The following IGSF5 variants were observed in gnomAD, a reference collection of about 807,000 sequenced individuals.
IGSF5 encodes immunoglobulin superfamily 5 like.
Under a neutral mutation model 39.4 loss-of-function variants are expected in IGSF5, and 41 were observed. The ratio of observed to expected loss-of-function variants is 1.04; its 90% CI spans 0.81 to 1.35. The LOEUF (loss-of-function observed/expected upper bound fraction) is 1.35. Among genes scored for constraint, IGSF5 ranks in the 40% most tolerant of loss-of-function variants. The pLI, the probability that IGSF5 is intolerant of heterozygous loss-of-function variation, is 0.00. For synonymous variants in IGSF5, 183 were observed against 175.3 expected (o/e 1.04, Z -0.34); for missense variants, 487 against 494.6 (o/e 0.98, Z 0.15).
At position 39,799,382 on chromosome 21, in the gene IGSF5, T is replaced by C. The variant is rs143276841; in HGVS notation, c.1129-1880T>C. ...GTACAGCCCTGTGCCAGGAACACAC[T>C]GGGTTCTTGTTAAAATGCACACTCT... On this transcript the variant is annotated intron_variant, in intron 8 of 8. Transcript: ENST00000380588. 6.1e-4 allele frequency among the ~76,000 whole-genome samples: 93 copies of C among 152,306 alleles called. 1 individual carries two copies. Among genetic ancestry groups the C allele is most frequent in the Middle Eastern group, 3.4e-3 (1 of 294 alleles).
intron 2 of IGSF5, among the ~76,000 whole-genome samples, chr21:39,764,631 C>T (rs1276639490): frequency 6.6e-6 from 1 of 152,194 alleles, no homozygotes; most frequent in African/African-American, 2.4e-5. Context: ...TGAACCACTG[C>T]ACCTGGCCTA....
At position 39,779,192 on chromosome 21, in the gene IGSF5, C is replaced by T. The variant is rs2080156437; in HGVS notation, c.821C>T (p.Thr274Ile). The T allele has an allele frequency of 1.9e-6, 3 of 1,614,006 alleles. No individual in the cohort carries two copies. The highest frequency in any genetic ancestry group is 1.3e-5 in the African/African-American group (1 of 74,904). ...AAAGTTGGACTTGGACTAGCAGGCACCATGCTTCTGACGCCGACGTGTACT... is the reference window on the plus strand; with the variant it reads ...AAAGTTGGACTTGGACTAGCAGGCATCATGCTTCTGACGCCGACGTGTACT... ...WGKVGLGLAGTMLLTPTCTLT... is the reference protein window; with the variant it reads ...WGKVGLGLAGIMLLTPTCTLT... The change falls in exon 5 of 9, where the codon ACC becomes ATC. Residue 274 changes from threonine (T) to isoleucine (I), a missense_variant. Transcript: ENST00000380588.
chr21:39,742,608 C>T (rs1192813243), upstream of IGSF5, among the ~76,000 whole-genome samples: 1 of 152,206 alleles, frequency 6.6e-6, no homozygotes, highest in African/African-American at 2.4e-5. Flanking sequence ...ATTCCCTTGA[C>T]ATAAGGGGCA....
At position 39,770,497 on chromosome 21, in the gene IGSF5, G is replaced by A. The variant is rs375041676; in HGVS notation, c.419-419G>A. On this transcript the variant is annotated intron_variant, in intron 3 of 8. Coordinates refer to ENST00000380588, the MANE Select transcript of IGSF5 (RefSeq NM_001080444.2). Reference sequence around the variant, plus strand: ...GCGTCTGACCCTGGGCTGTGTCCTCGTCACAGTGAGAAGAAGGTGAAGCTC... The same window carrying A: ...GCGTCTGACCCTGGGCTGTGTCCTCATCACAGTGAGAAGAAGGTGAAGCTC... Among the ~76,000 whole-genome samples the A allele has an allele frequency of 1.4e-4, 21 of 152,182 alleles. No homozygotes were observed. The South Asian group carries it at 1.5e-3, about 11-fold the overall frequency.
At chr21:39,788,241 A>C (rs1202861563) in intron 6 of IGSF5, 53 bp downstream of exon 6, 2 of 1,315,186 alleles carry the variant, frequency 1.5e-6, no homozygotes, top group Non-Finnish European at 2.2e-6. Flanking sequence ...AAAATTGAAC[A>C]ACAACAATAA....
At chr21:39,715,448 C>T in the IGSF5 span, among the ~76,000 whole-genome samples, 1 of 152,150 alleles carries the variant, frequency 6.6e-6, no homozygotes, top group Non-Finnish European at 1.5e-5. Flanking sequence ...CTATAAAGGC[C>T]TCTTTCTAAA....
intron 8 of IGSF5, among the ~76,000 whole-genome samples, chr21:39,795,550 A>G (rs919020763): frequency 6.6e-6 from 1 of 151,404 alleles, no homozygotes; most frequent in African/African-American, 2.4e-5. Context: ...TACATCTAGT[A>G]TGAATGAGGA....
At chr21:39,762,197 G>A (rs370145123) in intron 2 of IGSF5, among the ~76,000 whole-genome samples, 1 of 152,146 alleles carries the variant, frequency 6.6e-6, no homozygotes, top group Non-Finnish European at 1.5e-5. Context: ...GTCAAACTTC[G>A]TAAAGTGTTT....
the IGSF5 span, among the ~76,000 whole-genome samples, chr21:39,727,072 C>T: frequency 6.6e-6 from 1 of 152,188 alleles, no homozygotes; most frequent in East Asian, 1.9e-4. Context: ...ACCTATGATG[C>T]TTTGACACCA....
chr21:39,720,063 A>G, the IGSF5 span, among the ~76,000 whole-genome samples: 1 of 152,208 alleles, frequency 6.6e-6, no homozygotes, highest in Non-Finnish European at 1.5e-5. Flanking sequence ...GCAGTCCCCA[A>G]CCTTTTTGAC....
chr21:39,721,429 T>G, the IGSF5 span, among the ~76,000 whole-genome samples: 22 of 152,296 alleles, frequency 1.4e-4, no homozygotes, highest in African/African-American at 5.3e-4. Context: ...GTGCTGGAAC[T>G]CGGCACCAGT....
intron 2 of IGSF5, among the ~76,000 whole-genome samples, chr21:39,752,748 A>T (rs751135619): frequency 3.9e-4 from 60 of 152,180 alleles, no homozygotes; most frequent in Non-Finnish European, 7.6e-4. Context: ...TTCCCTGATT[A>T]GTGATGTTGA....
chr21:39,741,039 G>T (rs2079946470), upstream of IGSF5, among the ~76,000 whole-genome samples: 1 of 151,972 alleles, frequency 6.6e-6, no homozygotes, highest in Admixed American at 6.6e-5. Flanking sequence ...TATGCCACGG[G>T]TTGCAAACTC....
chr21:39,772,504 G>A (rs1014530123), intron 4 of IGSF5, among the ~76,000 whole-genome samples: 4 of 152,176 alleles, frequency 2.6e-5, no homozygotes, highest in African/African-American at 9.7e-5. Context: ...TTCCTCCTGA[G>A]GGCTGGGAGG....
intron 4 of IGSF5, 113 bp from the exon 5 acceptor site, chr21:39,778,977 G>A (rs1351014446): frequency 1.6e-6 from 2 of 1,282,988 alleles, no homozygotes; most frequent in African/African-American, 1.5e-5. Context: ...CCTAGCCATA[G>A]CAGGCTGAAT....
At chr21:39,736,231 A>G in the IGSF5 span, among the ~76,000 whole-genome samples, 1 of 151,338 alleles carries the variant, frequency 6.6e-6, no homozygotes, top group African/African-American at 2.4e-5. Flanking sequence ...CTGAGTACAA[A>G]CCCCCTTTCC....
chr21:39,774,593 C>A (rs540736182), intron 4 of IGSF5, among the ~76,000 whole-genome samples: 3 of 152,312 alleles, frequency 2.0e-5, no homozygotes, highest in African/African-American at 7.2e-5. Context: ...AGAAATGATA[C>A]AAACCTCGAG....
At chr21:39,771,295 C>A in intron 4 of IGSF5, 80 bp downstream of exon 4, 1 of 1,306,406 alleles carries the variant, frequency 7.7e-7, no homozygotes, top group Non-Finnish European at 1.0e-6. Context: ...CCTTCATCCA[C>A]GATGCCTGGA....
At position 39,746,251 on chromosome 21, in the gene IGSF5, G is replaced by A. The variant is rs117841904; in HGVS notation, c.53G>A (p.Trp18Ter). The stretch of plus-strand genomic sequence containing the variant: ...GATACTCTGCCGGATCTGGAGGAAT[G>A]GAAGTCAGCGGCGGGTCTGCGATGG... ...TADTLPDLEEWKSAAGLRWWQ... is the reference protein window; with the variant it reads ...TADTLPDLEE The change falls in exon 2 of 9, where the codon TGG becomes TAG. Residue 18 changes from tryptophan to a stop codon, truncating the protein, a stop_gained. Coordinates refer to ENST00000380588, the MANE Select transcript of IGSF5 (RefSeq NM_001080444.2). LOFTEE classifies it high-confidence loss of function. The A allele has an allele frequency of 8.8e-3, 6,179 of 701,914 alleles. 44 individuals carry two copies. Among genetic ancestry groups the A allele is most frequent in the Non-Finnish European group, 0.012 (4,618 of 384,800 alleles). 43.5% of individuals were successfully genotyped at this position (701,914 alleles called of 1,614,324 possible).
Sources: gnomAD v4.1 joint callset for allele counts (sites outside exome capture counted in the v4.1 genomes callset) on GRCh38, gnomAD v4.1.1 for gene constraint, MANE v1.5 for transcripts, NCBI Gene and HGNC (gene_info 2026-07-23, HGNC 2026-07-21) for gene names.